UBR3: variants seen among roughly 807,000 people sequenced by gnomAD.
UBR3 encodes E3 ubiquitin-protein ligase UBR3.
In UBR3, 85 loss-of-function variants were observed where a neutral mutation model predicts 243.2. The observed-to-expected ratio is 0.35, with a 90% CI of 0.29 to 0.42. UBR3 has a LOEUF of 0.42. UBR3 is among the 10% of genes least tolerant of loss of function. UBR3 has a pLI of 1.00. For missense variants in UBR3, 1,686 were observed against 2,300.8 expected, an observed-to-expected ratio of 0.73 and a Z score of 5.47; for synonymous variants, 748 against 799.8, an observed-to-expected ratio of 0.94 and a Z score of 1.09.
At chr2:169,881,391 C>T (rs935957435) in intron 5 of UBR3, among the ~76,000 whole-genome samples, 53 of 152,012 alleles carry the variant, frequency 3.5e-4, no homozygotes, top group Admixed American at 2.5e-3. Context: ...ATTGGTCAGG[C>T]TGGTGTTGAA....
chr2:169,985,597 T>C (rs1266498469), intron 24 of UBR3, among the ~76,000 whole-genome samples: 2 of 152,142 alleles, frequency 1.3e-5, no homozygotes, highest in East Asian at 3.9e-4. Context: ...TTTGACCTAC[T>C]AGTGTATTTT....
intron 20 of UBR3, among the ~76,000 whole-genome samples, chr2:169,944,760 C>T (rs543658564): frequency 6.6e-6 from 1 of 151,940 alleles, no homozygotes. Context: ...AGCTGTAATC[C>T]CACAAGCTGT....
intron 25 of UBR3, among the ~76,000 whole-genome samples, chr2:169,989,099 T>C (rs72874458): frequency 0.15 from 22,586 of 152,190 alleles, 1,866 homozygotes; most frequent in Admixed American, 0.21. Context: ...TTATTTCATT[T>C]GTTCCCTCCT....
At chr2:170,060,642 GTTTT>G (rs2091438516) in intron 33 of UBR3, among the ~76,000 whole-genome samples, 1 of 152,006 alleles carries the variant, frequency 6.6e-6, no homozygotes, top group South Asian at 2.1e-4. Context: ...CTTAGAAAAT[GTTTT>G]TTAAGTTGGT....
chr2:169,904,537 A>AT (rs11381949), intron 8 of UBR3, among the ~76,000 whole-genome samples: 8,245 of 151,134 alleles, frequency 0.055, 405 homozygotes, highest in African/African-American at 0.13. Flanking sequence ...AACTTTGAGG[A>AT]TTTTTTTTTC....
chr2:169,958,851 A>G (rs2087434206), intron 24 of UBR3, among the ~76,000 whole-genome samples: 1 of 152,218 alleles, frequency 6.6e-6, no homozygotes, highest in Non-Finnish European at 1.5e-5. Context: ...CTGTGAAATT[A>G]TCTTAAAATC....
intron 1 of UBR3, among the ~76,000 whole-genome samples, chr2:169,836,808 G>A (rs1051884463): frequency 2.0e-5 from 3 of 151,868 alleles, no homozygotes; most frequent in Non-Finnish European, 4.4e-5. Context: ...TGAACTGCTG[G>A]TTCATATTAT....
At chr2:169,851,836 CAAAA>C (rs139828838) in intron 1 of UBR3, among the ~76,000 whole-genome samples, 3 of 90,488 alleles carry the variant, frequency 3.3e-5, no homozygotes, top group African/African-American at 1.1e-4. Flanking sequence ...GGCTCCGTCT[CAAAA>C]AAAAAAAAAA....
chr2:169,921,159 T>C lies in UBR3; in HGVS notation c.1867-2770T>C, dbSNP rs78455404. ...TTACTGGGAATCTGGAGAAGAAATA[T>C]TGAGGAGGATTGAGTTTTATGGCAA... On this transcript the variant is annotated intron_variant, in intron 11 of 38. Transcript: ENST00000272793. 8.5e-3 allele frequency among the ~76,000 whole-genome samples: 1,297 copies of C among 152,256 alleles called. 23 individuals carry two copies. Among genetic ancestry groups the C allele is most frequent in the African/African-American group, 0.029 (1,209 of 41,536 alleles).
chr2:170,037,643 C>T (rs1224614263), intron 31 of UBR3, among the ~76,000 whole-genome samples: 2 of 152,164 alleles, frequency 1.3e-5, no homozygotes, highest in Non-Finnish European at 2.9e-5. Context: ...CCACCTTGGC[C>T]TCCCTAAGTG....
intron 5 of UBR3, among the ~76,000 whole-genome samples, chr2:169,890,540 G>GATATATATATAT (rs1188196959): frequency 1.3e-5 from 1 of 76,020 alleles, no homozygotes; most frequent in African/African-American, 6.4e-5. Flanking sequence ...GAGAGAGAGA[G>GATATATATATAT]ATATATATAT....
At chr2:169,942,772 AT>A (rs2086640778) in intron 20 of UBR3, 138 bp downstream of exon 20, 1 of 872,850 alleles carries the variant, frequency 1.1e-6, no homozygotes. Context: ...AAGATATGTT[AT>A]AATCACATGT....
At chr2:170,038,712 C>A (rs570886192) in intron 31 of UBR3, among the ~76,000 whole-genome samples, 27 of 152,126 alleles carry the variant, frequency 1.8e-4, no homozygotes, top group African/African-American at 6.0e-4. Flanking sequence ...GGAGGACTAT[C>A]ATGTTTTAGG....
intron 14 of UBR3, among the ~76,000 whole-genome samples, chr2:169,926,093 C>T (rs1383642080): frequency 6.6e-6 from 1 of 152,162 alleles, no homozygotes; most frequent in Non-Finnish European, 1.5e-5. Flanking sequence ...TCTGCGGTAC[C>T]TGGCCCTGGG....
At chr2:170,074,511 C>T (rs1302452267) in intron 36 of UBR3, among the ~76,000 whole-genome samples, 1 of 152,084 alleles carries the variant, frequency 6.6e-6, no homozygotes, top group African/African-American at 2.4e-5. Flanking sequence ...TCCATCTCAT[C>T]GTATAGCCTC....
chr2:170,054,841 T>C (rs1490546297), intron 32 of UBR3, among the ~76,000 whole-genome samples: 1 of 152,150 alleles, frequency 6.6e-6, no homozygotes, highest in Non-Finnish European at 1.5e-5. Flanking sequence ...AGGAAGGGCA[T>C]TTGCCAGGGT....
intron 25 of UBR3, among the ~76,000 whole-genome samples, chr2:169,989,571 T>C (rs1294355381): frequency 2.0e-5 from 3 of 152,188 alleles, no homozygotes. Flanking sequence ...TTCATGTTTT[T>C]TGTTGTTGTT....
intron 26 of UBR3, among the ~76,000 whole-genome samples, chr2:169,995,137 A>C (rs1574360240): frequency 6.6e-6 from 1 of 152,142 alleles, no homozygotes; most frequent in Non-Finnish European, 1.5e-5. Context: ...AAAATTTATA[A>C]AGTATATGAT....
chr2:169,893,291 A>C (rs1159113100), intron 6 of UBR3, among the ~76,000 whole-genome samples: 1 of 152,218 alleles, frequency 6.6e-6, no homozygotes. Flanking sequence ...TTGATTTAAA[A>C]CATTGTTAAT....
Sources: gnomAD v4.1 joint callset for allele counts (sites outside exome capture counted in the v4.1 genomes callset) on GRCh38, gnomAD v4.1.1 for gene constraint, MANE v1.5 for transcripts, NCBI Gene and HGNC (gene_info 2026-07-23, HGNC 2026-07-21) for gene names.